Variants in MAGI1 observed in about 807,000 individuals in gnomAD.
The protein encoded by MAGI1 is membrane-associated guanylate kinase, WW and PDZ domain-containing protein 1.
A neutral mutation model predicts 139.9 loss-of-function variants in MAGI1; 58 were observed. The ratio of observed to expected loss-of-function variants is 0.41; its 90% CI spans 0.34 to 0.52. MAGI1 has a LOEUF of 0.52. MAGI1 is among the 20% of genes least tolerant of loss of function. The pLI is 0.12. For missense variants in MAGI1, 1,874 were observed against 1,901.6 expected, an observed-to-expected ratio of 0.99 and a Z score of 0.27; for synonymous variants, 812 against 737.9, an observed-to-expected ratio of 1.10 and a Z score of -1.63.
chr3:65,756,927 C>T (rs1236705390), intron 1 of MAGI1, among the ~76,000 whole-genome samples: 2 of 152,192 alleles, frequency 1.3e-5, no homozygotes, highest in Non-Finnish European at 2.9e-5. Context: ...TGAACCCATA[C>T]ACGGAATGCC....
At chr3:65,833,602 A>G (rs965931524) in intron 1 of MAGI1, among the ~76,000 whole-genome samples, 1 of 152,210 alleles carries the variant, frequency 6.6e-6, no homozygotes, top group Non-Finnish European at 1.5e-5. Flanking sequence ...CGACTTACCT[A>G]TTTGTAAGTC....
chr3:65,958,716 G>T (rs1160484211), intron 1 of MAGI1, among the ~76,000 whole-genome samples: 1 of 152,188 alleles, frequency 6.6e-6, no homozygotes, highest in Non-Finnish European at 1.5e-5. Context: ...GCCAGGCGGG[G>T]GAGCTCAGGC....
At chr3:65,796,544 G>T (rs1053079726) in intron 1 of MAGI1, among the ~76,000 whole-genome samples, 4 of 152,138 alleles carry the variant, frequency 2.6e-5, no homozygotes, top group African/African-American at 9.7e-5. Flanking sequence ...CTCCCACAGC[G>T]GTTGGTCTCT....
At chr3:65,867,369 A>C (rs1344330953) in intron 1 of MAGI1, among the ~76,000 whole-genome samples, 1 of 152,194 alleles carries the variant, frequency 6.6e-6, no homozygotes, top group African/African-American at 2.4e-5. Context: ...TCAACTGTAG[A>C]ACAATTCCTA....
intron 1 of MAGI1, among the ~76,000 whole-genome samples, chr3:65,740,210 T>C (rs2107776657): frequency 6.6e-6 from 1 of 152,320 alleles, no homozygotes; most frequent in Middle Eastern, 3.4e-3. Flanking sequence ...CAATTTCCAC[T>C]AGTGTCTTTT....
intron 1 of MAGI1, among the ~76,000 whole-genome samples, chr3:65,971,595 T>G (rs534826832): frequency 6.6e-6 from 1 of 152,288 alleles, no homozygotes; most frequent in African/African-American, 2.4e-5. Context: ...AAGCACATGT[T>G]TTCACGCAAT....
At chr3:66,023,595 G>A (rs949187287) in intron 1 of MAGI1, among the ~76,000 whole-genome samples, 1 of 152,296 alleles carries the variant, frequency 6.6e-6, no homozygotes, top group East Asian at 1.9e-4. Flanking sequence ...ATGACTACCG[G>A]TCTTAGAGGT....
At chr3:65,401,376 A>ACCACCCCCCCCC in intron 13 of MAGI1, 63 bp downstream of exon 13, 1 of 406,704 alleles carries the variant, frequency 2.5e-6, no homozygotes, top group Non-Finnish European at 4.4e-6. Flanking sequence ...GTACCCTCCC[A>ACCACCCCCCCCC]CCTCCAGCCC....
rs185994675 is a variant in MAGI1, at chr3:65,435,464, A to G, written c.1363+1691T>C. On this transcript the variant is annotated intron_variant, in intron 10 of 22. Coordinates refer to ENST00000402939, the MANE Select transcript of MAGI1 (RefSeq NM_001033057.2). ...AAGTCTGGTTGGCTATTCTATATGT[A>G]TATGTGGATGGATGGATGGATGGAT... Among the ~76,000 whole-genome samples the G allele has an allele frequency of 5.6e-5, 7 of 125,184 alleles. 1 individual carries two copies. In the East Asian group the frequency reaches 1.8e-3, roughly 32 times the overall value. The allele number at this position is 125,184 out of a possible 152,430, so 82.1% of individuals were successfully genotyped here. A position where few individuals can be genotyped will look rare whatever the true frequency, so the allele number is the denominator to read the frequency against.
chr3:65,471,253 C>G (rs537761380), intron 4 of MAGI1, among the ~76,000 whole-genome samples: 1 of 152,058 alleles, frequency 6.6e-6, no homozygotes, highest in Non-Finnish European at 1.5e-5. Context: ...CAAAGTATCC[C>G]CGAATGGCAT....
rs1279589949 is a variant in MAGI1 at position 65,353,617 on chromosome 3, G to A, written c.*2761C>T. 2.0e-5 allele frequency: 3 copies of A among 152,102 alleles called. No homozygotes were observed. Among genetic ancestry groups the A allele is most frequent in the Admixed American group, 2.0e-4 (3 of 15,266 alleles). The allele number at this position is 152,102 out of a possible 1,614,324, so 9.4% of individuals were successfully genotyped here. A position where few individuals can be genotyped will look rare whatever the true frequency, so the allele number is the denominator to read the frequency against. On this transcript the variant is annotated 3_prime_UTR_variant, in exon 23 of 23. Coordinates refer to ENST00000402939, the MANE Select transcript of MAGI1 (RefSeq NM_001033057.2). ...AAGAAACTTAAAAAATACAATTAGG[G>A]TGTTGAGTCCTCCCCCCCAACATTC...
chr3:65,932,043 T>C (rs2062829308), intron 1 of MAGI1, among the ~76,000 whole-genome samples: 1 of 152,074 alleles, frequency 6.6e-6, no homozygotes, highest in African/African-American at 2.4e-5. Flanking sequence ...TCCAAACACA[T>C]GGAAACAGGG....
intron 18 of MAGI1, among the ~76,000 whole-genome samples, chr3:65,374,450 T>G (rs1404337645): frequency 1.3e-5 from 2 of 151,260 alleles, no homozygotes; most frequent in Non-Finnish European, 2.9e-5. Flanking sequence ...CCCAAGTAGC[T>G]GGGACTACAG....
chr3:65,530,747 A>G (rs1270052349), intron 2 of MAGI1, among the ~76,000 whole-genome samples: 1 of 74,228 alleles, frequency 1.3e-5, no homozygotes, highest in East Asian at 4.8e-4. Context: ...ATATGCACAT[A>G]TATATACACG....
intron 1 of MAGI1, among the ~76,000 whole-genome samples, chr3:66,002,669 C>T (rs77085148): frequency 0.032 from 4,804 of 152,186 alleles, 98 homozygotes; most frequent in African/African-American, 0.063. Flanking sequence ...CACCCGCCAC[C>T]ACACGCAGCT....
chr3:65,379,174 G>A, intron 17 of MAGI1, 87 bp downstream of exon 17: 1 of 1,594,188 alleles, frequency 6.3e-7, no homozygotes, highest in Non-Finnish European at 8.5e-7. Context: ...TTCTGCACGT[G>A]AGGTCTGAGT....
chr3:65,499,060 TA>T (rs60116533), intron 2 of MAGI1: 14,447 of 835,478 alleles, frequency 0.017, 1 homozygote, highest in East Asian at 0.023. Flanking sequence ...AAACCGCTCT[TA>T]AAAAAAAAAA....
intron 2 of MAGI1, among the ~76,000 whole-genome samples, chr3:65,523,427 G>A (rs1368184799): frequency 6.6e-6 from 1 of 151,052 alleles, no homozygotes; most frequent in African/African-American, 2.4e-5. Flanking sequence ...GGGAGGCGAA[G>A]AGAGGGAGGC....
intron 2 of MAGI1, among the ~76,000 whole-genome samples, chr3:65,597,083 C>T (rs1402884304): frequency 6.6e-6 from 1 of 152,126 alleles, no homozygotes; most frequent in African/African-American, 2.4e-5. Flanking sequence ...CCCTGCCTTC[C>T]CCAGCCTGGG....
Sources: gnomAD v4.1 joint callset for allele counts (sites outside exome capture counted in the v4.1 genomes callset) on GRCh38, gnomAD v4.1.1 for gene constraint, MANE v1.5 for transcripts, NCBI Gene and HGNC (gene_info 2026-07-23, HGNC 2026-07-21) for gene names.